PCDHGA11: variants seen among roughly 807,000 people sequenced by gnomAD.
The protein encoded by PCDHGA11 is protocadherin gamma-A11.
PCDHGA11 carries 39 observed loss-of-function variants against 60.4 expected under a neutral mutation model. The ratio of observed to expected loss-of-function variants is 0.65; its 90% CI spans 0.50 to 0.84. The LOEUF is 0.84. Ranked by LOEUF, PCDHGA11 falls within the 40% of genes least tolerant of loss-of-function variation. The probability of loss-of-function intolerance (pLI) is 0.00; values close to 1 mark genes in which losing one functional copy is unlikely to be tolerated. For synonymous variants in PCDHGA11, 533 were observed against 510.3 expected (o/e 1.04, Z -0.60); for missense variants, 1,165 against 1,197.7 (o/e 0.97, Z 0.40).
intron 1 of PCDHGA11, among the ~76,000 whole-genome samples, chr5:141,469,317 C>T (rs1354878667): frequency 6.6e-6 from 1 of 152,092 alleles, no homozygotes; most frequent in Non-Finnish European, 1.5e-5. Flanking sequence ...TGGCTCACGC[C>T]TGTAATCCCA....
At position 141,422,658 on chromosome 5, in the gene PCDHGA11, C is replaced by T. The variant is rs2096662185; in HGVS notation, c.1431C>T (p.Ala477=). 6.2e-7 allele frequency: 1 copy of T among 1,609,912 alleles called. No homozygotes were observed. Among genetic ancestry groups the T allele is most frequent in the Non-Finnish European group, 8.5e-7 (1 of 1,177,644 alleles). ...PRGASIFSVT[A]LDPDSKQNAL... is the part of the protein sequence containing the mutation. ...GTGCCTCCATCTTCTCAGTGACCGC[C>T]CTCGACCCGGACAGCAAACAGAATG... Residue 477 remains alanine (A), a synonymous_variant, in exon 1 of 4, where the codon GCC becomes GCT. Transcript: ENST00000398587.
At chr5:141,444,644 G>T (rs1300191764) in intron 1 of PCDHGA11, among the ~76,000 whole-genome samples, 1 of 151,892 alleles carries the variant, frequency 6.6e-6, no homozygotes, top group Non-Finnish European at 1.5e-5. Flanking sequence ...ATTGAGGTAG[G>T]GGTTGAAGTT....
chr5:141,500,937 C>G (rs910002814), intron 2 of PCDHGA11, among the ~76,000 whole-genome samples: 1 of 151,804 alleles, frequency 6.6e-6, no homozygotes, highest in Non-Finnish European at 1.5e-5. Context: ...GGCGCCATCT[C>G]GGCTCACTGC....
At chr5:141,505,993 T>TGCGA (rs2099849805) in intron 3 of PCDHGA11, among the ~76,000 whole-genome samples, 1 of 152,188 alleles carries the variant, frequency 6.6e-6, no homozygotes, top group African/African-American at 2.4e-5. Context: ...CTCCTCTTTA[T>TGCGA]GCGAGGCTCC....
At chr5:141,459,694 T>A (rs767389870) in intron 1 of PCDHGA11, among the ~76,000 whole-genome samples, 1 of 152,252 alleles carries the variant, frequency 6.6e-6, no homozygotes, top group Non-Finnish European at 1.5e-5. Context: ...AGCGTTCCGC[T>A]TGCTACATTT....
chr5:141,480,533 G>A (rs2099521308), intron 1 of PCDHGA11, among the ~76,000 whole-genome samples: 1 of 127,758 alleles, frequency 7.8e-6, no homozygotes, highest in African/African-American at 3.6e-5. Flanking sequence ...CAAAGTAGAA[G>A]CACATATGAA....
Position 141,477,931 on chromosome 5 carries a change from G to T in PCDHGA11, c.2434-16876G>T. 6.2e-7 allele frequency: 1 copy of T among 1,614,138 alleles called. No homozygotes were observed. Among genetic ancestry groups the T allele is most frequent in the Non-Finnish European group, 8.5e-7 (1 of 1,180,040 alleles). ...ACGCGGATGCAGGGCACAATGCCTG[G>T]CTCTCCTACAGTCTCTTGGGATCCC... On this transcript the variant is annotated intron_variant, in intron 1 of 3. Coordinates refer to ENST00000398587, the MANE Select transcript of PCDHGA11 (RefSeq NM_018914.3). This position sits in a 1 kb window ranked among gnomAD's most constrained non-coding sequence, Gnocchi z 4.9.
At chr5:141,465,905 G>C (rs938438286) in intron 1 of PCDHGA11, among the ~76,000 whole-genome samples, 8 of 151,958 alleles carry the variant, frequency 5.3e-5, no homozygotes, top group Non-Finnish European at 8.8e-5. Context: ...GGCAAATCAC[G>C]AGGTCAGGAT....
chr5:141,504,474 G>A (rs903417314), intron 2 of PCDHGA11, among the ~76,000 whole-genome samples: 1 of 152,066 alleles, frequency 6.6e-6, no homozygotes, highest in African/African-American at 2.4e-5. Context: ...TGGGATGGGA[G>A]TACAGTGGAG....
chr5:141,435,467 G>A (rs1019246812), intron 1 of PCDHGA11, among the ~76,000 whole-genome samples: 3 of 152,146 alleles, frequency 2.0e-5, no homozygotes, highest in Non-Finnish European at 2.9e-5. Context: ...GTGTTTCCAA[G>A]TTAGACATTT....
At chr5:141,451,334 C>G (rs916812246) in intron 1 of PCDHGA11, among the ~76,000 whole-genome samples, 4 of 152,192 alleles carry the variant, frequency 2.6e-5, no homozygotes, top group Non-Finnish European at 4.4e-5. Context: ...AGGCTATTGT[C>G]TTATCTGAAG....
At chr5:141,424,726 T>C (rs1041673348) in intron 1 of PCDHGA11, 7 of 152,218 alleles carry the variant, frequency 4.6e-5, no homozygotes, top group African/African-American at 4.8e-5. Context: ...TTGGGAGTCA[T>C]AGATTCCTTC....
chr5:141,466,037 G>T (rs1204301031), intron 1 of PCDHGA11, among the ~76,000 whole-genome samples: 1 of 152,056 alleles, frequency 6.6e-6, no homozygotes, highest in African/African-American at 2.4e-5. Flanking sequence ...CAGGAGAACG[G>T]CATGAACCCA....
intron 1 of PCDHGA11, among the ~76,000 whole-genome samples, chr5:141,443,876 G>C (rs2098409251): frequency 6.6e-6 from 1 of 152,152 alleles, no homozygotes; most frequent in South Asian, 2.1e-4. Flanking sequence ...TTACTGATAA[G>C]TCAAGAGAAA....
chr5:141,510,833 C>G, intron 3 of PCDHGA11, 114 bp from the exon 4 acceptor site: 2 of 1,577,796 alleles, frequency 1.3e-6, no homozygotes, highest in Admixed American at 1.7e-5. Context: ...CAGTGCTCAG[C>G]GTGGTCAAGG....
chr5:141,499,029 A>AAGGAAGGAAGGAAGGAAGG (rs1562187768), intron 2 of PCDHGA11, among the ~76,000 whole-genome samples: 3 of 140,076 alleles, frequency 2.1e-5, no homozygotes, highest in African/African-American at 8.3e-5. Flanking sequence ...AGGAAGGAAG[A>AAGGAAGGAAGGAAGGAAGG]AAAGAAAGAA....
At chr5:141,504,378 C>T (rs2099837786) in intron 2 of PCDHGA11, among the ~76,000 whole-genome samples, 1 of 152,052 alleles carries the variant, frequency 6.6e-6, no homozygotes, top group Non-Finnish European at 1.5e-5. Flanking sequence ...CAGGTGGAGT[C>T]GCTGCCTCAC....
chr5:141,489,013 C>T lies in PCDHGA11; in HGVS notation c.2434-5794C>T, dbSNP rs533320646. ...AGGTGGGAGATCTGCTCTTCCAGCC[C>T]GCCTCTCCTCCTCCAGCTCCCCAGC... On this transcript the variant is annotated intron_variant, in intron 1 of 3. Coordinates refer to ENST00000398587, the MANE Select transcript of PCDHGA11 (RefSeq NM_018914.3). The surrounding 1 kb of genome is among the most constrained non-coding windows in gnomAD (Gnocchi z 4.5). 4.6e-5 allele frequency: 20 copies of T among 438,612 alleles called. No homozygotes were observed. Among genetic ancestry groups the T allele is most frequent in the East Asian group, 2.7e-4 (8 of 29,802 alleles). The allele number at this position is 438,612 out of a possible 1,614,324, so 27.2% of individuals were successfully genotyped here.
At chr5:141,456,574 T>G (rs373414652) in intron 1 of PCDHGA11, among the ~76,000 whole-genome samples, 3 of 152,198 alleles carry the variant, frequency 2.0e-5, no homozygotes, top group South Asian at 4.1e-4. Flanking sequence ...ACATTTTCCC[T>G]GAGCCTGTCA....
Sources: gnomAD v4.1 joint callset for allele counts (sites outside exome capture counted in the v4.1 genomes callset) on GRCh38, gnomAD v4.1.1 for gene constraint, Gnocchi (gnomAD v3.1) non-coding constraint, MANE v1.5 for transcripts, NCBI Gene and HGNC (gene_info 2026-07-23, HGNC 2026-07-21) for gene names.